The following PPFIA2 variants were observed in gnomAD, a reference collection of about 807,000 sequenced individuals.
The protein encoded by PPFIA2 is PPFI scaffold protein A2.
PPFIA2 carries 46 observed loss-of-function variants against 175.5 expected under a neutral mutation model. The observed-to-expected ratio is 0.26, with a 90% confidence interval of 0.21 to 0.34. The LOEUF is 0.34. Ranked by LOEUF, PPFIA2 falls within the 10% of genes least tolerant of loss-of-function variation. The pLI is 1.00. For missense variants in PPFIA2, 1,179 were observed against 1,506.1 expected (o/e 0.78, Z 3.60); for synonymous variants, 568 against 511.4 (o/e 1.11, Z -1.49).
intron 4 of PPFIA2, among the ~76,000 whole-genome samples, chr12:81,609,019 T>A (rs1305728945): frequency 6.6e-6 from 1 of 152,012 alleles, no homozygotes; most frequent in Non-Finnish European, 1.5e-5. Flanking sequence ...TCAAAGAATT[T>A]TTTTTATTTT....
intron 31 of PPFIA2, among the ~76,000 whole-genome samples, chr12:81,262,931 G>A (rs2036095992): frequency 6.6e-6 from 1 of 152,094 alleles, no homozygotes. Flanking sequence ...GTTAATTTTG[G>A]GAATAGAAGA....
intron 29 of PPFIA2, 107 bp from the exon 30 acceptor site, chr12:81,267,127 G>A (rs2037481358): frequency 1.2e-6 from 1 of 867,232 alleles, no homozygotes; most frequent in Non-Finnish European, 1.8e-6. Context: ...CTTTATTTAT[G>A]GGTTTTGAAG....
At chr12:81,330,964 C>T (rs1463244460) in intron 21 of PPFIA2, among the ~76,000 whole-genome samples, 1 of 152,150 alleles carries the variant, frequency 6.6e-6, no homozygotes, top group Non-Finnish European at 1.5e-5. Flanking sequence ...AAGAAAGACC[C>T]TTTCACTATG....
intron 6 of PPFIA2, among the ~76,000 whole-genome samples, chr12:81,443,853 T>C (rs2050707899): frequency 1.6e-5 from 2 of 125,050 alleles, no homozygotes; most frequent in East Asian, 2.1e-4. Flanking sequence ...TTCTTTTTTT[T>C]TTTTTTTTTT....
intron 17 of PPFIA2, among the ~76,000 whole-genome samples, chr12:81,350,053 C>T (rs935593588): frequency 6.6e-6 from 1 of 152,042 alleles, no homozygotes; most frequent in Non-Finnish European, 1.5e-5. Context: ...CTATATTAAC[C>T]TACTGGCCAA....
At chr12:81,662,415 A>G (rs944416708) in intron 4 of PPFIA2, among the ~76,000 whole-genome samples, 1 of 152,210 alleles carries the variant, frequency 6.6e-6, no homozygotes, top group Non-Finnish European at 1.5e-5. Context: ...AGAGAATACT[A>G]TAAACACCTC....
At chr12:81,539,005 G>A (rs2065823372) in intron 4 of PPFIA2, among the ~76,000 whole-genome samples, 1 of 151,944 alleles carries the variant, frequency 6.6e-6, no homozygotes, top group South Asian at 2.1e-4. Context: ...GCTCAGACCA[G>A]GGTGGCAGCA....
chr12:81,300,569 T>A (rs1372152600), intron 22 of PPFIA2, among the ~76,000 whole-genome samples: 1 of 152,138 alleles, frequency 6.6e-6, no homozygotes, highest in Admixed American at 6.6e-5. Flanking sequence ...TAAGTTATAG[T>A]GGCTGAAGAG....
chr12:81,634,356 T>C (rs2153503712), intron 4 of PPFIA2, among the ~76,000 whole-genome samples: 1 of 152,186 alleles, frequency 6.6e-6, no homozygotes, highest in East Asian at 1.9e-4. Context: ...TCTGTAAGTT[T>C]ATTTTGTGGA....
intron 3 of PPFIA2, among the ~76,000 whole-genome samples, chr12:81,687,762 T>G (rs1480112436): frequency 6.6e-6 from 1 of 151,886 alleles, no homozygotes; most frequent in East Asian, 1.9e-4. Flanking sequence ...GAATATTTAT[T>G]ATAATAATTA....
intron 4 of PPFIA2, among the ~76,000 whole-genome samples, chr12:81,592,574 CA>C (rs1372713025): frequency 2.6e-5 from 4 of 152,132 alleles, no homozygotes; most frequent in African/African-American, 9.7e-5. Context: ...GAATGAGTCT[CA>C]TGAGATCTGA....
intron 5 of PPFIA2, among the ~76,000 whole-genome samples, chr12:81,447,892 T>C (rs988616223): frequency 1.3e-5 from 2 of 152,220 alleles, no homozygotes; most frequent in Admixed American, 1.3e-4. Flanking sequence ...CCTGTGGCCA[T>C]GGTTAATTGG....
At chr12:81,454,143 C>G (rs2053167991) in intron 5 of PPFIA2, among the ~76,000 whole-genome samples, 1 of 152,046 alleles carries the variant, frequency 6.6e-6, no homozygotes, top group African/African-American at 2.4e-5. Flanking sequence ...CACCTGAGTC[C>G]AGGGAACTCT....
chr12:81,704,248 A>T (rs2076838380), intron 3 of PPFIA2, among the ~76,000 whole-genome samples: 2 of 152,180 alleles, frequency 1.3e-5, no homozygotes, highest in African/African-American at 4.8e-5. Context: ...GTTGTGTAGT[A>T]GAGTTTCAAT....
At chr12:81,315,094 C>CTCTCTCTG (rs1211581099) in intron 22 of PPFIA2, among the ~76,000 whole-genome samples, 1 of 151,788 alleles carries the variant, frequency 6.6e-6, no homozygotes, top group Admixed American at 6.6e-5. Context: ...TGGATGGTTT[C>CTCTCTCTG]TCTCTCTGTC....
intron 7 of PPFIA2, among the ~76,000 whole-genome samples, chr12:81,437,789 A>AC (rs2049352206): frequency 6.6e-6 from 1 of 152,110 alleles, no homozygotes; most frequent in South Asian, 2.1e-4. Context: ...TTTTTTTCTG[A>AC]TAGTTCCAGG....
At chr12:81,449,693 G>T in intron 5 of PPFIA2, among the ~76,000 whole-genome samples, 1 of 151,958 alleles carries the variant, frequency 6.6e-6, no homozygotes, top group South Asian at 2.1e-4. Context: ...CAACGTGCAG[G>T]TTTATTACAT....
At chr12:81,508,537 A>G (rs1388021450) in intron 4 of PPFIA2, among the ~76,000 whole-genome samples, 2 of 151,134 alleles carry the variant, frequency 1.3e-5, no homozygotes, top group Non-Finnish European at 3.0e-5. Context: ...AAAAAAAAAA[A>G]AAAAAAAAGC....
intron 14 of PPFIA2, among the ~76,000 whole-genome samples, chr12:81,365,742 T>C (rs2033012731): frequency 1.3e-5 from 2 of 151,870 alleles, no homozygotes; most frequent in South Asian, 4.2e-4. Context: ...AATCTCTGTG[T>C]TGTTTTTGTG....
Sources: gnomAD v4.1 joint callset for allele counts (sites outside exome capture counted in the v4.1 genomes callset) on GRCh38, gnomAD v4.1.1 for gene constraint, MANE v1.5 for transcripts, NCBI Gene and HGNC (gene_info 2026-07-23, HGNC 2026-07-21) for gene names.